Variants in TEX2 observed in about 807,000 individuals in gnomAD.
The protein encoded by TEX2 is testis expressed 2.
A neutral mutation model predicts 106.9 loss-of-function variants in TEX2; 53 were observed. The observed-to-expected ratio is 0.50, with a 90% CI of 0.40 to 0.62. TEX2 has a LOEUF of 0.62. TEX2 is among the 20% of genes least tolerant of loss of function. The pLI, the probability that TEX2 is intolerant of heterozygous loss-of-function variation, is 0.00. For synonymous variants in TEX2, 523 were observed against 534.8 expected (o/e 0.98, Z 0.30); for missense variants, 1,207 against 1,379.0 (o/e 0.88, Z 1.98).
rs2033056394 is a variant in TEX2, at chr17:64,213,018, T to C, written c.1200A>G (p.Leu400=). Residue 400 remains leucine (L), a synonymous_variant, in exon 2 of 12, where the codon CTA becomes CTG. Transcript: ENST00000584379. This position sits in a 1 kb window ranked among gnomAD's most constrained non-coding sequence, Gnocchi z 4.4. The stretch of plus-strand genomic sequence containing the variant: ...CAGACAAAGAACATTTCTCCAGAAC[T>C]AGAGAACTTGTCTTCAGGCCTAAAT... ...LKDLGLKTSS[L]VLEKCSLSAL... 1 of 1,614,234 alleles carries C rather than the reference T, an allele frequency of 6.2e-7. No homozygotes were observed. Among genetic ancestry groups the C allele is most frequent in the Admixed American group, 1.7e-5 (1 of 60,026 alleles).
intron 8 of TEX2, among the ~76,000 whole-genome samples, chr17:64,157,033 T>C (rs1222003875): frequency 1.3e-5 from 2 of 152,252 alleles, no homozygotes; most frequent in Non-Finnish European, 2.9e-5. Flanking sequence ...TCAGATGATG[T>C]GAAAATCTGA....
rs1449612529 is a variant in TEX2 at position 64,185,156 on chromosome 17, T to C, written c.2424+3012A>G. 6.6e-6 allele frequency among the ~76,000 whole-genome samples: 1 copy of C among 152,088 alleles called. No individual in the cohort carries two copies. Among genetic ancestry groups the C allele is most frequent in the East Asian group, 1.9e-4 (1 of 5,190 alleles). On this transcript the variant is annotated intron_variant, in intron 5 of 11. Coordinates refer to ENST00000584379, the MANE Select transcript of TEX2 (RefSeq NM_001288732.2). This position sits in a 1 kb window ranked among gnomAD's most constrained non-coding sequence, Gnocchi z 4.0. Reference sequence around the variant, plus strand: ...GATATGAGATGATGAGCACGACGAGTAGTAATAAGGACAGGACTCTCCATA... The same window carrying C: ...GATATGAGATGATGAGCACGACGAGCAGTAATAAGGACAGGACTCTCCATA...
chr17:64,171,406 A>G lies in TEX2; in HGVS notation c.2572-207T>C, dbSNP rs115339059. 2.6e-3 allele frequency among the ~76,000 whole-genome samples: 392 copies of G among 152,280 alleles called. 2 individuals are homozygous for G. Among genetic ancestry groups the G allele is most frequent in the African/African-American group, 8.9e-3 (370 of 41,552 alleles). On this transcript the variant is annotated intron_variant, in intron 6 of 11. Coordinates refer to ENST00000584379, the MANE Select transcript of TEX2 (RefSeq NM_001288732.2). The stretch of plus-strand genomic sequence containing the variant: ...GAGGTCAGGCCAGGGCCTGGCTCTC[A>G]CGGGGTTTATAATAGAAAGGCAGAA...
rs113147627 is a variant in TEX2 at position 64,221,815 on chromosome 17, G to C, written c.-25-7573C>G. The stretch of plus-strand genomic sequence containing the variant: ...CTGACAGATGAATGGACAAACACAA[G>C]GGAATATTATTCAGCCTTAAAAGGA... On this transcript the variant is annotated intron_variant, in intron 1 of 11. Coordinates refer to ENST00000584379, the MANE Select transcript of TEX2 (RefSeq NM_001288732.2). Among the ~76,000 whole-genome samples, 582 of 152,234 alleles carry C rather than the reference G, an allele frequency of 3.8e-3. 4 individuals are homozygous for C. Among genetic ancestry groups the C allele is most frequent in the African/African-American group, 0.014 (565 of 41,552 alleles).
intron 1 of TEX2, among the ~76,000 whole-genome samples, chr17:64,236,392 C>T (rs1316553218): frequency 6.6e-6 from 1 of 152,002 alleles, no homozygotes; most frequent in Non-Finnish European, 1.5e-5. Context: ...GGTGAGACCC[C>T]GTCTCTACAA....
chr17:64,229,352 T>C (rs1237225839), intron 1 of TEX2, among the ~76,000 whole-genome samples: 1 of 152,256 alleles, frequency 6.6e-6, no homozygotes, highest in African/African-American at 2.4e-5. Context: ...CCTCATTTGC[T>C]TCTCTTCTTC....
chr17:64,175,400 CA>C (rs2031578861), intron 6 of TEX2, among the ~76,000 whole-genome samples: 2 of 152,284 alleles, frequency 1.3e-5, no homozygotes, highest in South Asian at 4.1e-4. Flanking sequence ...CCTCAAAAAA[CA>C]AAAGGAAGTT....
In TEX2 at chr17:64,180,521, A is replaced by G. The variant is rs2031811597; in HGVS notation, c.2425-3050T>C. Among the ~76,000 whole-genome samples, 3 of 152,376 alleles carry G rather than the reference A, an allele frequency of 2.0e-5. No homozygotes were observed. The South Asian group carries it at 6.2e-4, about 32-fold the overall frequency. Reference sequence around the variant, plus strand: ...ATAATGCATCAAAGAAGCTTTTATGAGCAAAACCTGGATTCAACAGCCTGC... The same window carrying G: ...ATAATGCATCAAAGAAGCTTTTATGGGCAAAACCTGGATTCAACAGCCTGC... On this transcript the variant is annotated intron_variant, in intron 5 of 11. Transcript: ENST00000584379.
At chr17:64,214,348 G>A (rs782554365) in intron 1 of TEX2, 106 bp from the exon 2 acceptor site, 4 of 931,158 alleles carry the variant, frequency 4.3e-6, no homozygotes, top group Non-Finnish European at 4.8e-6. Context: ...TGGTGATTAT[G>A]CTTTTACTTG....
rs1317068296 is a variant in TEX2, at chr17:64,263,190, T to C, written c.-48A>G. 2.0e-5 allele frequency: 3 copies of C among 151,782 alleles called. No individual in the cohort carries two copies. Among genetic ancestry groups the C allele is most frequent in the African/African-American group, 4.8e-5 (2 of 41,344 alleles). 9.4% of individuals were successfully genotyped at this position (151,782 alleles called of 1,614,324 possible). Reference sequence around the variant, plus strand: ...CACCCAAGATCCGCTGGCTGCCTCATTGTACTATGCCGGCGCCCGTGCTCC... The same window carrying C: ...CACCCAAGATCCGCTGGCTGCCTCACTGTACTATGCCGGCGCCCGTGCTCC... On this transcript the variant is annotated 5_prime_UTR_variant, in exon 1 of 12. The change abolishes an upstream ATG in the 5' untranslated region. Coordinates refer to ENST00000584379, the MANE Select transcript of TEX2 (RefSeq NM_001288732.2).
intron 4 of TEX2, among the ~76,000 whole-genome samples, chr17:64,189,355 C>A (rs572048843): frequency 6.6e-6 from 1 of 152,308 alleles, no homozygotes; most frequent in South Asian, 2.1e-4. Context: ...GACATCTACG[C>A]TGTATCTTGA....
intron 1 of TEX2, among the ~76,000 whole-genome samples, chr17:64,245,081 A>G (rs1302482159): frequency 3.3e-5 from 5 of 152,186 alleles, no homozygotes; most frequent in African/African-American, 1.2e-4. Flanking sequence ...CTCCTGAACT[A>G]CAATCTTCTT....
At chr17:64,249,385 C>T (rs371351462) in intron 1 of TEX2, among the ~76,000 whole-genome samples, 71 of 152,196 alleles carry the variant, frequency 4.7e-4, no homozygotes, top group African/African-American at 1.7e-3. Context: ...AGAGGGAAAA[C>T]GGAGGCTAAT....
chr17:64,257,182 G>A (rs2034199703), intron 1 of TEX2, among the ~76,000 whole-genome samples: 1 of 152,138 alleles, frequency 6.6e-6, no homozygotes, highest in Admixed American at 6.5e-5. Context: ...CAATATTCCA[G>A]GCAAATCCAG....
At chr17:64,165,874 G>C (rs565731920) in intron 7 of TEX2, among the ~76,000 whole-genome samples, 38 of 152,330 alleles carry the variant, frequency 2.5e-4, no homozygotes, top group Non-Finnish European at 5.3e-4. Flanking sequence ...CATAGAATCT[G>C]AGACATTCAG....
chr17:64,206,509 T>C (rs961563189), intron 2 of TEX2, among the ~76,000 whole-genome samples: 3 of 151,842 alleles, frequency 2.0e-5, no homozygotes, highest in African/African-American at 7.3e-5. Flanking sequence ...AGAATTCTTC[T>C]GTGGACTTTG....
Position 64,187,814 on chromosome 17 carries a change from C to T in TEX2, c.2424+354G>A, listed in dbSNP as rs994673580. Among the ~76,000 whole-genome samples, 10 of 152,232 alleles carry T rather than the reference C, an allele frequency of 6.6e-5. No individual in the cohort carries two copies. The South Asian group carries it at 8.3e-4, about 13-fold the overall frequency. Reference sequence around the variant, plus strand: ...TCCCCCGTGACCAACAGGTCTGTGCCCAAAAGTCACCTCCTCAAAGAGGCC... The same window carrying T: ...TCCCCCGTGACCAACAGGTCTGTGCTCAAAAGTCACCTCCTCAAAGAGGCC... On this transcript the variant is annotated intron_variant, in intron 5 of 11. Coordinates refer to ENST00000584379, the MANE Select transcript of TEX2 (RefSeq NM_001288732.2).
intron 7 of TEX2, among the ~76,000 whole-genome samples, chr17:64,167,170 T>C (rs1216372370): frequency 6.6e-6 from 1 of 152,200 alleles, no homozygotes; most frequent in Non-Finnish European, 1.5e-5. Flanking sequence ...GTTGTGTGTG[T>C]TGGAACAGGG....
intron 1 of TEX2, among the ~76,000 whole-genome samples, chr17:64,260,919 A>T (rs923067637): frequency 6.6e-6 from 1 of 152,184 alleles, no homozygotes; most frequent in Non-Finnish European, 1.5e-5. Flanking sequence ...TGACAAATGG[A>T]AAAAAAGAAA....
Sources: gnomAD v4.1 joint callset for allele counts (sites outside exome capture counted in the v4.1 genomes callset) on GRCh38, gnomAD v4.1.1 for gene constraint, Gnocchi (gnomAD v3.1) non-coding constraint, MANE v1.5 for transcripts, NCBI Gene and HGNC (gene_info 2026-07-23, HGNC 2026-07-21) for gene names.